Variants in IRS2 observed in about 807,000 individuals in gnomAD.
IRS2 encodes the protein insulin receptor substrate 2.
Under a neutral mutation model 70.9 loss-of-function variants are expected in IRS2, and 28 were observed. The ratio of observed to expected loss-of-function variants is 0.39; its 90% CI spans 0.29 to 0.54. The LOEUF (loss-of-function observed/expected upper bound fraction) is 0.54. Among genes scored for constraint, IRS2 ranks in the 20% least tolerant of loss-of-function variants. The pLI, the probability that IRS2 is intolerant of heterozygous loss-of-function variation, is 0.59. For missense variants in IRS2, 2,081 were observed against 2,024.1 expected (o/e 1.03, Z -0.54); for synonymous variants, 1,217 against 981.9 (o/e 1.24, Z -4.48).
intron 1 of IRS2, among the ~76,000 whole-genome samples, chr13:109,775,013 G>A (rs1418031121): frequency 6.6e-6 from 1 of 151,992 alleles, no homozygotes; most frequent in Non-Finnish European, 1.5e-5. Flanking sequence ...TACTTTGGAG[G>A]CCAAAGATTG....
chr13:109,776,223 C>T (rs940952643), intron 1 of IRS2, among the ~76,000 whole-genome samples: 7 of 151,834 alleles, frequency 4.6e-5, no homozygotes, highest in East Asian at 1.9e-4. Context: ...AAAAATATAT[C>T]GTGGGTCAAA....
chr13:109,759,421 G>C (rs1338100352), intron 1 of IRS2, among the ~76,000 whole-genome samples: 1 of 152,114 alleles, frequency 6.6e-6, no homozygotes, highest in Non-Finnish European at 1.5e-5. Flanking sequence ...CCTTTGCGGA[G>C]GTGCAAAAGG....
chr13:109,759,971 T>G (rs1408512973), intron 1 of IRS2, among the ~76,000 whole-genome samples: 1 of 152,222 alleles, frequency 6.6e-6, no homozygotes, highest in African/African-American at 2.4e-5. Flanking sequence ...TATATTCATT[T>G]ACTTTCAAAG....
chr13:109,783,673 G>T lies in IRS2; in HGVS notation c.2381C>A (p.Pro794Gln). ...FSAALHPGGE[P>Q]LRGVPGCCYS... ...GCAGCAGCCGGGAACGCCCCTGAGC[G>T]GCTCCCCGCCGGGGTGCAGGGCTGC... Residue 794 changes from proline (P) to glutamine (Q), a missense_variant, in exon 1 of 2, where the codon CCG becomes CAG. Coordinates refer to ENST00000375856, the MANE Select transcript of IRS2 (RefSeq NM_003749.3). 1 of 1,557,854 alleles carries T rather than the reference G, an allele frequency of 6.4e-7. No homozygotes were observed.
rs772430387 is a variant in IRS2 at position 109,784,057 on chromosome 13, C to T, written c.1997G>A (p.Gly666Glu). ...MTPGAALAGS[G>E]SGSCRSDDYM... ...GTCGTCGCTCCTGCAGCTGCCGCTC[C>T]CACTGCCCGCGAGGGCCGCGCCGGG... Residue 666 changes from glycine to glutamate, a missense_variant, in exon 1 of 2, where the codon GGG (glycine) becomes GAG (glutamate). Transcript: ENST00000375856. This position sits in a 1 kb window ranked among gnomAD's most constrained non-coding sequence, Gnocchi z 5.2. 4 of 1,555,238 alleles carry T rather than the reference C, an allele frequency of 2.6e-6. No homozygotes were observed. In the South Asian group the frequency reaches 4.7e-5, roughly 18 times the overall value.
At position 109,782,449 on chromosome 13, in the gene IRS2, G is replaced by A. The variant is rs769518982; in HGVS notation, c.3605C>T (p.Thr1202Ile). The A allele has an allele frequency of 1.9e-6, 3 of 1,578,824 alleles. No individual in the cohort carries two copies. The highest frequency in any genetic ancestry group is 8.6e-7 in the Non-Finnish European group (1 of 1,162,314). Residue 1202 changes from threonine (T) to isoleucine (I), a missense_variant, in exon 1 of 2, where the codon ACC (threonine) becomes ATC (isoleucine). Coordinates refer to ENST00000375856, the MANE Select transcript of IRS2 (RefSeq NM_003749.3). Reference sequence around the variant, plus strand: ...CGCCGGCTGCAACTGTCGTGGGGAGGTGGGCGGCTCGTCGCCCCCTCCAGG... The same window carrying A: ...CGCCGGCTGCAACTGTCGTGGGGAGATGGGCGGCTCGTCGCCCCCTCCAGG... ...VGPGGGDEPP[T>I]SPRQLQPAPP...
At chr13:109,773,835 C>A (rs982763867) in intron 1 of IRS2, among the ~76,000 whole-genome samples, 10 of 152,150 alleles carry the variant, frequency 6.6e-5, no homozygotes, top group African/African-American at 2.4e-4. Flanking sequence ...CTAAGTTGTT[C>A]TAAAGAGCAT....
Position 109,769,229 on chromosome 13 carries a change from A to G in IRS2, c.4012+12813T>C, listed in dbSNP as rs74123742. 5.3e-4 allele frequency among the ~76,000 whole-genome samples: 81 copies of G among 152,310 alleles called. 1 individual carries two copies. Among genetic ancestry groups the G allele is most frequent in the African/African-American group, 1.9e-3 (77 of 41,560 alleles). On this transcript the variant is annotated intron_variant, in intron 1 of 1. Coordinates refer to ENST00000375856, the MANE Select transcript of IRS2 (RefSeq NM_003749.3). ...ACCACCACCCAGGGATACCACCACC[A>G]TGATGATGGAATTGATGGCTACAGT... is the stretch of plus-strand genomic sequence containing the variant.
At chr13:109,777,751 C>T (rs559879056) in intron 1 of IRS2, among the ~76,000 whole-genome samples, 8 of 152,250 alleles carry the variant, frequency 5.3e-5, no homozygotes, top group Non-Finnish European at 1.2e-4. Context: ...AATATAAAAA[C>T]CAGTAATAAA....
intron 1 of IRS2, among the ~76,000 whole-genome samples, chr13:109,762,136 G>A (rs1877240633): frequency 6.6e-6 from 1 of 152,186 alleles, no homozygotes. Flanking sequence ...GTGTAACACA[G>A]AATGTACACG....
At position 109,755,921 on chromosome 13, in the gene IRS2, C is replaced by A; in HGVS notation, c.*383G>T. ...CCACTTCCATAGGTACGGGTGCACT[C>A]TCCTAGCATGCTGAGGGTTATATCT... is the stretch of plus-strand genomic sequence containing the variant. On this transcript the variant is annotated 3_prime_UTR_variant, in exon 2 of 2. Coordinates refer to ENST00000375856, the MANE Select transcript of IRS2 (RefSeq NM_003749.3). 1 of 342,554 alleles carries A rather than the reference C, an allele frequency of 2.9e-6. No homozygotes were observed. Among genetic ancestry groups the A allele is most frequent in the Non-Finnish European group, 5.5e-6 (1 of 182,272 alleles). 21.2% of individuals were successfully genotyped at this position (342,554 alleles called of 1,614,324 possible).
At chr13:109,757,270 C>T (rs1033120259) in intron 1 of IRS2, among the ~76,000 whole-genome samples, 14 of 152,208 alleles carry the variant, frequency 9.2e-5, no homozygotes, top group Non-Finnish European at 1.6e-4. Flanking sequence ...ATTTTCATCA[C>T]TCAGCAACAT....
intron 1 of IRS2, among the ~76,000 whole-genome samples, chr13:109,757,202 C>T (rs1877126830): frequency 6.6e-6 from 1 of 152,162 alleles, no homozygotes; most frequent in Admixed American, 6.5e-5. Context: ...CCTTTCACAG[C>T]GTGCTGTTTT....
rs1381868281 is a variant in IRS2 at position 109,785,919 on chromosome 13, C to T, written c.135G>A (p.Lys45=). The change falls in exon 1 of 2, where the codon AAG becomes AAA. Residue 45 remains lysine (K), a synonymous_variant. Transcript: ENST00000375856. This position sits in a 1 kb window ranked among gnomAD's most constrained non-coding sequence, Gnocchi z 9.3. Reference sequence around the variant, plus strand: ...CGGGTCCGCGCAGCACGAAGAAGCGCTTGTGGCCATGCTTCTGCTTGCGCA... The same window carrying T: ...CGGGTCCGCGCAGCACGAAGAAGCGTTTGTGGCCATGCTTCTGCTTGCGCA... ...GYLRKQKHGH[K]RFFVLRGPGA... is the part of the protein sequence containing the mutation. 2.0e-6 allele frequency: 3 copies of T among 1,497,330 alleles called. No individual in the cohort carries two copies. Among genetic ancestry groups the T allele is most frequent in the Admixed American group, 2.2e-5 (1 of 44,800 alleles). The allele number at this position is 1,497,330 out of a possible 1,614,324, so 92.8% of individuals were successfully genotyped here.
chr13:109,767,722 T>G (rs1416336118), intron 1 of IRS2, among the ~76,000 whole-genome samples: 1 of 148,768 alleles, frequency 6.7e-6, no homozygotes, highest in Admixed American at 6.7e-5. Flanking sequence ...AGCTCGACCA[T>G]TTTTCCTTTT....
chr13:109,785,965 C>CTGTGGT lies in IRS2; in HGVS notation c.83_88dup (p.Asn28_His29dup). On this transcript the variant is annotated inframe_insertion, in exon 1 of 2. Transcript: ENST00000375856. The surrounding 1 kb of genome is among the most constrained non-coding windows in gnomAD (Gnocchi z 9.3). ...GCGCAGGTAGCCGCACTTGCGCACG[C>CTGTGGT]TGTGGTTGTTGTTGTTGTTGTTGTT... The CTGTGGT allele has an allele frequency of 6.7e-7, 1 of 1,496,836 alleles. No homozygotes were observed. Among genetic ancestry groups the CTGTGGT allele is most frequent in the Non-Finnish European group, 8.9e-7 (1 of 1,129,038 alleles). The allele number at this position is 1,496,836 out of a possible 1,614,324, so 92.7% of individuals were successfully genotyped here. A position where few individuals can be genotyped will look rare whatever the true frequency, so the allele number is the denominator to read the frequency against.
chr13:109,782,202 C>G lies in IRS2; in HGVS notation c.3852G>C (p.Trp1284Cys). ...GACCCCCGAGGCTTCGGGTCCGGCC[C>G]CAGGAGCTCTTGTCTCCCGGCTGAG... is the stretch of plus-strand genomic sequence containing the variant. The part of the protein sequence containing the change: ...PLPQPGDKSS[W>C]GRTRSLGGLI... The change falls in exon 1 of 2, where the codon TGG (tryptophan) becomes TGC (cysteine). Residue 1284 changes from tryptophan to cysteine, a missense_variant. Physicochemically the swap from Trp to Cys is radical, Grantham distance 215. Transcript: ENST00000375856. 1 of 1,606,816 alleles carries G rather than the reference C, an allele frequency of 6.2e-7. No individual in the cohort carries two copies. Among genetic ancestry groups the G allele is most frequent in the South Asian group, 1.1e-5 (1 of 90,590 alleles).
intron 1 of IRS2, among the ~76,000 whole-genome samples, chr13:109,765,166 G>T (rs943263633): frequency 1.6e-4 from 24 of 152,176 alleles, no homozygotes; most frequent in African/African-American, 5.8e-4. Flanking sequence ...ATACAAAAAG[G>T]TGCCCTAAAA....
Position 109,784,250 on chromosome 13 carries a change from G to C in IRS2, c.1804C>G (p.Arg602Gly), listed in dbSNP as rs1267707947. Residue 602 changes from arginine to glycine, a missense_variant, in exon 1 of 2, where the codon CGG (arginine) becomes GGG (glycine). Physicochemically the swap from Arg to Gly is moderately radical, Grantham distance 125. Around this residue, in one of 4 missense-constraint regions of IRS2, gnomAD observed 1,615 missense variants for 1,459.5 expected, o/e 1.11. Coordinates refer to ENST00000375856, the MANE Select transcript of IRS2 (RefSeq NM_003749.3). The surrounding 1 kb of genome is among the most constrained non-coding windows in gnomAD (Gnocchi z 5.2). ...CCCGCGCTGCCCGAGAAGGTGGCCC[G>C]CATCAGGGTGTATTCATCCAGCGAG... Reference protein sequence around the residue: ...SASLDEYTLMRATFSGSAGRL... With the variant: ...SASLDEYTLMGATFSGSAGRL... 2 of 1,580,544 alleles carry C rather than the reference G, an allele frequency of 1.3e-6. No homozygotes were observed. Among genetic ancestry groups the C allele is most frequent in the East Asian group, 2.3e-5 (1 of 44,152 alleles).
Sources: allele counts gnomAD v4.1 joint callset (sites outside exome capture counted in the v4.1 genomes callset), GRCh38; gene constraint gnomAD v4.1.1; regional missense constraint gnomAD v4.1.1; non-coding constraint Gnocchi (gnomAD v3.1); transcripts MANE v1.5; gene names NCBI Gene and HGNC (gene_info 2026-07-23, HGNC 2026-07-21).